GNA12: variants seen among roughly 807,000 people sequenced by gnomAD.
GNA12 encodes the protein G protein subunit alpha 12.
A neutral mutation model predicts 26.0 loss-of-function variants in GNA12; 9 were observed. That is an observed-to-expected ratio of 0.35 (90% CI 0.21 to 0.60). The LOEUF is 0.60. GNA12 is among the 20% of genes least tolerant of loss of function. The pLI is 0.78. For synonymous variants in GNA12, 264 were observed against 219.6 expected (o/e 1.20, Z -1.79); for missense variants, 405 against 525.8 (o/e 0.77, Z 2.25).
At chr7:2,826,413 T>C (rs1238689304) in intron 1 of GNA12, among the ~76,000 whole-genome samples, 3 of 150,376 alleles carry the variant, frequency 2.0e-5, no homozygotes, top group Admixed American at 2.0e-4. Context: ...AAGCAAATAC[T>C]TGTACCATAT....
rs540650945 is a variant in GNA12 at position 2,731,472 on chromosome 7, G to C, written c.855C>G (p.Leu285=). 1.2e-6 allele frequency: 2 copies of C among 1,613,990 alleles called. No individual in the cohort carries two copies. Among genetic ancestry groups the C allele is most frequent in the Admixed American group, 1.7e-5 (1 of 60,012 alleles). ...NIFETIVNNK[L]FFNVSIILFL... is the part of the protein sequence containing the mutation. ...AGAGAATGATGGAGACGTTGAAGAA[G>C]AGCTTGTTGTTGACGATGGTCTCGA... is the stretch of plus-strand genomic sequence containing the variant. Residue 285 remains leucine, a synonymous_variant, in exon 4 of 4, where the codon CTC becomes CTG. Transcript: ENST00000275364. The surrounding 1 kb of genome is among the most constrained non-coding windows in gnomAD (Gnocchi z 6.0).
At chr7:2,766,045 CGTT>C (rs949803939) in intron 2 of GNA12, among the ~76,000 whole-genome samples, 8 of 152,126 alleles carry the variant, frequency 5.3e-5, no homozygotes, top group African/African-American at 1.4e-4. Flanking sequence ...AGCATATTAA[CGTT>C]GTTGTGAAAC....
chr7:2,834,206 A>G (rs1778764105), intron 1 of GNA12, among the ~76,000 whole-genome samples: 1 of 152,240 alleles, frequency 6.6e-6, no homozygotes, highest in Non-Finnish European at 1.5e-5. Context: ...TATGTATTCG[A>G]ATTTTCTGTC....
At chr7:2,763,154 G>A (rs1791649063) in intron 2 of GNA12, 2 of 1,178,102 alleles carry the variant, frequency 1.7e-6, no homozygotes, top group South Asian at 8.1e-5. Context: ...CGAATATTCT[G>A]CTGACAAGAG....
chr7:2,829,287 C>G (rs1255093231), intron 1 of GNA12, among the ~76,000 whole-genome samples: 1 of 152,094 alleles, frequency 6.6e-6, no homozygotes, highest in Admixed American at 6.5e-5. Flanking sequence ...CCATATTTCC[C>G]TCTGTCGGAG....
intron 1 of GNA12, chr7:2,815,230 C>T (rs540769078): frequency 9.0e-6 from 3 of 334,006 alleles, no homozygotes; most frequent in East Asian, 7.4e-5. Flanking sequence ...AGCCAGTCAG[C>T]GGACCTACAG....
intron 2 of GNA12, chr7:2,763,230 A>C: frequency 1.3e-5 from 5 of 370,384 alleles, no homozygotes; most frequent in Non-Finnish European, 1.6e-5. Flanking sequence ...ACACACACAC[A>C]CGGTCTCAAC....
In GNA12 at chr7:2,803,508, T is replaced by A. The variant is rs145576194; in HGVS notation, c.310-8365A>T. Among the ~76,000 whole-genome samples, 130 of 152,194 alleles carry A rather than the reference T, an allele frequency of 8.5e-4. 1 individual carries two copies. The highest frequency in any genetic ancestry group is 2.9e-3 in the African/African-American group (122 of 41,536). On this transcript the variant is annotated intron_variant, in intron 1 of 3. Transcript: ENST00000275364. ...GATGGAGAGATCCAAAACCAGGAATTCACCAAACCTGCAGAGCACGGAGAG... is the reference window on the plus strand; with the variant it reads ...GATGGAGAGATCCAAAACCAGGAATACACCAAACCTGCAGAGCACGGAGAG...
intron 2 of GNA12, among the ~76,000 whole-genome samples, chr7:2,759,140 A>AAAAT (rs3074427): frequency 0.025 from 3,649 of 144,746 alleles, 49 homozygotes; most frequent in Middle Eastern, 0.039. Flanking sequence ...ACACTGTCTC[A>AAAAT]AAATAAATAA....
chr7:2,768,107 G>C (rs1462742827), intron 2 of GNA12, among the ~76,000 whole-genome samples: 1 of 152,114 alleles, frequency 6.6e-6, no homozygotes, highest in African/African-American at 2.4e-5. Flanking sequence ...CACCTGCCTT[G>C]GCCTCCCAAA....
At chr7:2,839,749 C>A (rs1189911899) in intron 1 of GNA12, among the ~76,000 whole-genome samples, 9 of 152,160 alleles carry the variant, frequency 5.9e-5, no homozygotes, top group Admixed American at 5.9e-4. Context: ...CGTCTCACAT[C>A]TGGCACTTTG....
chr7:2,743,890 AG>A (rs1295104084), intron 2 of GNA12, among the ~76,000 whole-genome samples: 1 of 151,810 alleles, frequency 6.6e-6, no homozygotes, highest in Non-Finnish European at 1.5e-5. Flanking sequence ...CCTGGCTCGG[AG>A]GGTCCTACAC....
At chr7:2,799,507 A>G (rs866853435) in intron 1 of GNA12, among the ~76,000 whole-genome samples, 28 of 152,274 alleles carry the variant, frequency 1.8e-4, no homozygotes, top group South Asian at 4.2e-4. Flanking sequence ...GCTTGAGCCC[A>G]AGAGTTTGAG....
intron 2 of GNA12, among the ~76,000 whole-genome samples, chr7:2,773,426 G>A (rs558723485): frequency 1.3e-5 from 2 of 152,158 alleles, no homozygotes; most frequent in African/African-American, 4.8e-5. Flanking sequence ...GCCAGGCGTG[G>A]TGGTGGGCAT....
intron 2 of GNA12, among the ~76,000 whole-genome samples, chr7:2,791,989 G>C (rs1792532439): frequency 6.6e-6 from 1 of 152,142 alleles, no homozygotes; most frequent in South Asian, 2.1e-4. Flanking sequence ...CTTTACAAAT[G>C]CATCACTGAC....
intron 1 of GNA12, among the ~76,000 whole-genome samples, chr7:2,823,671 T>C (rs1793419004): frequency 6.6e-6 from 1 of 152,064 alleles, no homozygotes; most frequent in Non-Finnish European, 1.5e-5. Context: ...TGTCAAAGGA[T>C]CTTTCATTCT....
intron 1 of GNA12, among the ~76,000 whole-genome samples, chr7:2,834,043 C>G (rs1249189377): frequency 6.6e-6 from 1 of 152,228 alleles, no homozygotes; most frequent in East Asian, 1.9e-4. Flanking sequence ...TTCCGGATGT[C>G]CAAACACTCC....
At chr7:2,753,103 T>C (rs1791116490) in intron 2 of GNA12, among the ~76,000 whole-genome samples, 2 of 152,142 alleles carry the variant, frequency 1.3e-5, no homozygotes, top group South Asian at 2.1e-4. Context: ...TCTGTTCCTA[T>C]AGTTTTGCCT....
At chr7:2,776,546 C>G (rs930349812) in intron 2 of GNA12, among the ~76,000 whole-genome samples, 1 of 152,182 alleles carries the variant, frequency 6.6e-6, no homozygotes, top group Non-Finnish European at 1.5e-5. Flanking sequence ...AAGGACGTCC[C>G]CATTCGATGT....
Sources: gnomAD v4.1 joint callset for allele counts (sites outside exome capture counted in the v4.1 genomes callset) on GRCh38, gnomAD v4.1.1 for gene constraint, Gnocchi (gnomAD v3.1) non-coding constraint, MANE v1.5 for transcripts, NCBI Gene and HGNC (gene_info 2026-07-23, HGNC 2026-07-21) for gene names.